Variants in ADGRL3 observed in about 807,000 individuals in gnomAD.
ADGRL3 encodes the protein adhesion G protein-coupled receptor L3.
ADGRL3 carries 62 observed loss-of-function variants against 153.5 expected under a neutral mutation model. The ratio of observed to expected loss-of-function variants is 0.40; its 90% CI spans 0.33 to 0.50. The LOEUF is 0.50. ADGRL3 is among the 20% of genes least tolerant of loss of function. ADGRL3 has a pLI of 0.47. For synonymous variants in ADGRL3, 710 were observed against 672.5 expected (o/e 1.06, Z -0.86); for missense variants, 1,641 against 1,859.4 (o/e 0.88, Z 2.16).
At chr4:61,472,832 T>C (rs1480622296) in intron 2 of ADGRL3, among the ~76,000 whole-genome samples, 1 of 152,096 alleles carries the variant, frequency 6.6e-6, no homozygotes, top group East Asian at 1.9e-4. Flanking sequence ...AGAACTGATT[T>C]ATTTTTTTGG....
intron 1 of ADGRL3, among the ~76,000 whole-genome samples, chr4:61,380,501 A>G (rs1247205752): frequency 6.6e-6 from 1 of 151,798 alleles, no homozygotes; most frequent in Non-Finnish European, 1.5e-5. Flanking sequence ...TTTATTTTGC[A>G]TTTTGGAGAT....
intron 5 of ADGRL3, among the ~76,000 whole-genome samples, chr4:61,654,949 G>A (rs1180571571): frequency 2.6e-5 from 4 of 152,076 alleles, no homozygotes; most frequent in Admixed American, 6.6e-5. Context: ...ACTCATGTAC[G>A]TAAGTCTATA....
intron 8 of ADGRL3, among the ~76,000 whole-genome samples, chr4:61,800,255 C>A (rs991975533): frequency 6.6e-6 from 1 of 152,016 alleles, no homozygotes; most frequent in Non-Finnish European, 1.5e-5. Context: ...TATATAGATA[C>A]AGATATACAA....
At chr4:61,629,855 C>T (rs902501156) in intron 5 of ADGRL3, among the ~76,000 whole-genome samples, 1 of 147,556 alleles carries the variant, frequency 6.8e-6, no homozygotes, top group Non-Finnish European at 1.5e-5. Context: ...TAATTGTATC[C>T]ATGTGTTGGC....
chr4:61,558,141 A>ATG (rs1412272596), intron 4 of ADGRL3, among the ~76,000 whole-genome samples: 8 of 133,852 alleles, frequency 6.0e-5, no homozygotes, highest in Admixed American at 2.4e-4. Flanking sequence ...TCATATATAT[A>ATG]TGTATATATA....
chr4:61,914,686 T>C (rs1003945736), intron 13 of ADGRL3, among the ~76,000 whole-genome samples: 1 of 152,156 alleles, frequency 6.6e-6, no homozygotes, highest in Non-Finnish European at 1.5e-5. Flanking sequence ...TCCAATGATC[T>C]GAATATTCAC....
chr4:61,743,754 G>T (rs903454370), intron 8 of ADGRL3, among the ~76,000 whole-genome samples: 6 of 152,206 alleles, frequency 3.9e-5, no homozygotes, highest in Admixed American at 6.5e-5. Context: ...AATAGGAACA[G>T]CTCCGCTCTA....
At chr4:61,298,956 A>G (rs922919447) in intron 1 of ADGRL3, among the ~76,000 whole-genome samples, 1 of 152,206 alleles carries the variant, frequency 6.6e-6, no homozygotes. Context: ...AAATTGTACC[A>G]TTTGAATAAT....
intron 1 of ADGRL3, among the ~76,000 whole-genome samples, chr4:61,357,186 T>C (rs2096190654): frequency 2.0e-5 from 3 of 152,148 alleles, no homozygotes. Flanking sequence ...TTTCTGATTT[T>C]ACAGTATGAA....
Position 61,934,902 on chromosome 4 carries a change from G to A in ADGRL3, c.2175G>A (p.Leu725=), listed in dbSNP as rs754008060. ...AAGCTTTGAATGCATGGAGAGACCT[G>A]ACTACGAGTGATCAGCTGCGTGCGG... The part of the protein sequence containing the change: ...QPQALNAWRD[L]TTSDQLRAAT... Residue 725 remains leucine, a synonymous_variant, in exon 14 of 27, where the codon CTG becomes CTA. Coordinates refer to ENST00000683033, the MANE Select transcript of ADGRL3 (RefSeq NM_001387552.1). 2.3e-5 allele frequency: 37 copies of A among 1,613,694 alleles called. No homozygotes were observed. Among genetic ancestry groups the A allele is most frequent in the Non-Finnish European group, 3.1e-5 (36 of 1,179,810 alleles).
rs376323496 is a variant in ADGRL3 at position 61,832,002 on chromosome 4, A to G, written c.1480+18113A>G. 4.6e-5 allele frequency among the ~76,000 whole-genome samples: 7 copies of G among 152,298 alleles called. No individual in the cohort carries two copies. The East Asian group carries it at 1.2e-3, about 25-fold the overall frequency. On this transcript the variant is annotated intron_variant, in intron 9 of 26. Coordinates refer to ENST00000683033, the MANE Select transcript of ADGRL3 (RefSeq NM_001387552.1). ...AGCCCTAGACACCTGAGTAGACCTC[A>G]GAGCCTGTTCTAAACCACCAGATGC...
At chr4:61,912,915 G>T (rs576563130) in intron 13 of ADGRL3, among the ~76,000 whole-genome samples, 158 bp downstream of exon 13, 1 of 152,218 alleles carries the variant, frequency 6.6e-6, no homozygotes, top group Admixed American at 6.6e-5. Context: ...GAAAGCATTG[G>T]CAGTGCCAAT....
chr4:61,556,632 A>G (rs2098768530), intron 4 of ADGRL3, among the ~76,000 whole-genome samples: 1 of 152,236 alleles, frequency 6.6e-6, no homozygotes, highest in Admixed American at 6.5e-5. Context: ...CCAAATACCT[A>G]CTAAAGCTGG....
At chr4:61,861,663 T>C (rs1196585368) in intron 9 of ADGRL3, among the ~76,000 whole-genome samples, 1 of 151,936 alleles carries the variant, frequency 6.6e-6, no homozygotes. Context: ...AATAAAATGA[T>C]AGTTATTGAT....
intron 8 of ADGRL3, among the ~76,000 whole-genome samples, chr4:61,757,262 G>C (rs1472749653): frequency 3.3e-5 from 5 of 151,930 alleles, no homozygotes; most frequent in African/African-American, 4.8e-5. Flanking sequence ...GACTTTTTTT[G>C]GTTGGTAAGC....
chr4:61,496,398 T>C (rs1468193448), intron 2 of ADGRL3, among the ~76,000 whole-genome samples: 1 of 152,170 alleles, frequency 6.6e-6, no homozygotes, highest in Non-Finnish European at 1.5e-5. Context: ...GCGCAGTGGC[T>C]CATGCCTGTA....
At chr4:61,368,512 C>T (rs1333354993) in intron 1 of ADGRL3, among the ~76,000 whole-genome samples, 9 of 152,008 alleles carry the variant, frequency 5.9e-5, no homozygotes, top group Non-Finnish European at 1.5e-5. Context: ...TTGTTTTTCT[C>T]AGGTTTGTCA....
At chr4:61,552,700 C>A (rs1040972889) in intron 4 of ADGRL3, among the ~76,000 whole-genome samples, 1 of 152,118 alleles carries the variant, frequency 6.6e-6, no homozygotes, top group African/African-American at 2.4e-5. Flanking sequence ...AACTCCTGGG[C>A]TCAAGTGATC....
intron 1 of ADGRL3, among the ~76,000 whole-genome samples, chr4:61,307,533 G>A: frequency 6.6e-6 from 1 of 152,142 alleles, no homozygotes; most frequent in Non-Finnish European, 1.5e-5. Context: ...CTGTTGTAAA[G>A]TACTGATTTT....
Sources: gnomAD v4.1 joint callset for allele counts (sites outside exome capture counted in the v4.1 genomes callset) on GRCh38, gnomAD v4.1.1 for gene constraint, MANE v1.5 for transcripts, NCBI Gene and HGNC (gene_info 2026-07-23, HGNC 2026-07-21) for gene names.